The following KLF12 variants were observed in gnomAD, a reference collection of about 807,000 sequenced individuals.
The protein encoded by KLF12 is KLF transcription factor 12.
Under a neutral mutation model 37.8 loss-of-function variants are expected in KLF12, and 9 were observed. The observed-to-expected ratio is 0.24, with a 90% CI of 0.14 to 0.42. The LOEUF (loss-of-function observed/expected upper bound fraction) is 0.42. Ranked by LOEUF, KLF12 falls within the 10% of genes least tolerant of loss-of-function variation. The pLI is 1.00. For synonymous variants in KLF12, 208 were observed against 202.1 expected (o/e 1.03, Z -0.25); for missense variants, 411 against 516.0 (o/e 0.80, Z 1.97).
the KLF12 span, among the ~76,000 whole-genome samples, chr13:74,191,370 T>C: frequency 6.6e-6 from 1 of 152,250 alleles, no homozygotes; most frequent in Admixed American, 6.5e-5. Context: ...ATCATAAGAA[T>C]ATAAATGCCC....
At chr13:74,273,177 T>A in the KLF12 span, among the ~76,000 whole-genome samples, 1 of 152,216 alleles carries the variant, frequency 6.6e-6, no homozygotes, top group African/African-American at 2.4e-5. Context: ...TTCCTTATTT[T>A]GTGGCATATA....
intron 3 of KLF12, among the ~76,000 whole-genome samples, chr13:73,934,018 C>T (rs1889807421): frequency 6.6e-6 from 1 of 152,170 alleles, no homozygotes; most frequent in Admixed American, 6.5e-5. Flanking sequence ...CCCCCAACAC[C>T]TGGCAACTTC....
chr13:73,801,921 G>A (rs1882298780), intron 5 of KLF12: 1 of 151,966 alleles, frequency 6.6e-6, no homozygotes, highest in Admixed American at 6.6e-5. Flanking sequence ...GTTTTCAAAA[G>A]TTTGTTCTAC....
intron 5 of KLF12, among the ~76,000 whole-genome samples, chr13:73,796,800 T>C (rs1413518983): frequency 6.6e-6 from 1 of 152,064 alleles, no homozygotes; most frequent in Non-Finnish European, 1.5e-5. Flanking sequence ...AGTCTCAAAC[T>C]AAAAACAATC....
intron 7 of KLF12, among the ~76,000 whole-genome samples, chr13:73,712,812 C>CT: frequency 6.6e-6 from 1 of 152,356 alleles, no homozygotes; most frequent in African/African-American, 2.4e-5. Flanking sequence ...GCTCAGATGA[C>CT]TGTTAGTACT....
the KLF12 span, among the ~76,000 whole-genome samples, chr13:74,184,980 T>C: frequency 1.3e-5 from 2 of 152,200 alleles, no homozygotes. Context: ...CACAGTGATT[T>C]GAGGCAAACA....
intron 2 of KLF12, among the ~76,000 whole-genome samples, chr13:73,960,820 A>G (rs1425150889): frequency 3.3e-5 from 5 of 152,160 alleles, no homozygotes. Flanking sequence ...TCTGAGAATG[A>G]TATGTTTTTT....
intron 1 of KLF12, among the ~76,000 whole-genome samples, chr13:74,102,172 T>C (rs1876386654): frequency 1.4e-5 from 2 of 147,760 alleles, no homozygotes; most frequent in Non-Finnish European, 3.0e-5. Context: ...GAGCCAAGAT[T>C]GCACCACTGC....
intron 6 of KLF12, among the ~76,000 whole-genome samples, chr13:73,759,814 C>T (rs1022781220): frequency 6.6e-6 from 1 of 152,128 alleles, no homozygotes; most frequent in African/African-American, 2.4e-5. Flanking sequence ...TTTGGAAATG[C>T]TCTGTCCCTC....
the KLF12 span, among the ~76,000 whole-genome samples, chr13:74,249,336 TCA>T: frequency 0.31 from 23,197 of 73,916 alleles, 1,958 homozygotes; most frequent in Middle Eastern, 0.4. Flanking sequence ...AGCAGGAGCA[TCA>T]CACACACACA....
At chr13:74,191,734 A>G in the KLF12 span, among the ~76,000 whole-genome samples, 2 of 152,208 alleles carry the variant, frequency 1.3e-5, no homozygotes. Context: ...AGCACCCTTG[A>G]AAACAAAATT....
At chr13:73,872,210 C>T (rs1190290115) in intron 3 of KLF12, among the ~76,000 whole-genome samples, 1 of 151,970 alleles carries the variant, frequency 6.6e-6, no homozygotes, top group East Asian at 1.9e-4. Flanking sequence ...ATTTGCACTG[C>T]AAATATATTT....
At chr13:74,208,479 GC>G in the KLF12 span, among the ~76,000 whole-genome samples, 1,564 of 152,206 alleles carry the variant, frequency 0.01, 29 homozygotes, top group African/African-American at 0.036. Context: ...TGGGAATTTT[GC>G]TGGCATTAAT....
At chr13:74,276,615 T>A in the KLF12 span, among the ~76,000 whole-genome samples, 1 of 152,324 alleles carries the variant, frequency 6.6e-6, no homozygotes, top group South Asian at 2.1e-4. Flanking sequence ...CTTAACCTGA[T>A]TTCAGCATTA....
chr13:73,706,902 T>C (rs1231152892), intron 7 of KLF12, among the ~76,000 whole-genome samples: 2 of 152,234 alleles, frequency 1.3e-5, no homozygotes, highest in Non-Finnish European at 2.9e-5. Context: ...TAATGATTAA[T>C]GCTTTTGGTC....
chr13:74,004,525 T>C (rs1179039046), intron 1 of KLF12, among the ~76,000 whole-genome samples: 1 of 152,176 alleles, frequency 6.6e-6, no homozygotes, highest in Admixed American at 6.5e-5. Context: ...TTATAAATAA[T>C]CTTGGTATAA....
intron 4 of KLF12, chr13:73,845,002 G>A (rs1884937340): frequency 6.6e-6 from 1 of 152,042 alleles, no homozygotes; most frequent in Non-Finnish European, 1.5e-5. Context: ...AAGACAGCAT[G>A]ATGCCACCGC....
At chr13:74,186,957 T>C in the KLF12 span, among the ~76,000 whole-genome samples, 2 of 152,230 alleles carry the variant, frequency 1.3e-5, no homozygotes, top group Non-Finnish European at 1.5e-5. Context: ...CGTTGTCTAC[T>C]GTTTCATCTT....
chr13:73,803,667 C>G (rs1594108918), intron 5 of KLF12, among the ~76,000 whole-genome samples: 2 of 151,992 alleles, frequency 1.3e-5, no homozygotes, highest in East Asian at 3.9e-4. Context: ...CAATGCTTTT[C>G]TAGTGTTTAA....
Sources: allele counts gnomAD v4.1 joint callset (sites outside exome capture counted in the v4.1 genomes callset), GRCh38; gene constraint gnomAD v4.1.1; transcripts MANE v1.5; gene names NCBI Gene and HGNC (gene_info 2026-07-23, HGNC 2026-07-21).